ZDHHC15: variants seen among roughly 807,000 people sequenced by gnomAD.
ZDHHC15 encodes the protein zDHHC palmitoyltransferase 15, also known as palmitoyltransferase ZDHHC15.
A neutral mutation model predicts 31.7 loss-of-function variants in ZDHHC15; 19 were observed. The ratio of observed to expected loss-of-function variants is 0.60; its 90% CI spans 0.42 to 0.88. ZDHHC15 has a LOEUF of 0.88. Ranked by LOEUF, ZDHHC15 falls within the 40% of genes least tolerant of loss-of-function variation. ZDHHC15 has a pLI of 0.00. For synonymous variants in ZDHHC15, 103 were observed against 90.0 expected, an observed-to-expected ratio of 1.14 and a Z score of -0.82; for missense variants, 209 against 251.2, an observed-to-expected ratio of 0.83 and a Z score of 1.14.
chrX:75,454,431 T>A (rs372008762), intron 3 of ZDHHC15, among the ~76,000 whole-genome samples: 2 of 112,061 alleles, frequency 1.8e-5, no homozygotes, highest in East Asian at 2.8e-4. Flanking sequence ...TGATTTATAA[T>A]CCTTTGGGTA....
At chrX:75,388,340 A>C (rs1024057663) in intron 10 of ZDHHC15, among the ~76,000 whole-genome samples, 12 of 112,480 alleles carry the variant, frequency 1.1e-4, no homozygotes, top group Admixed American at 7.5e-4. Context: ...CCCAGAAGAC[A>C]AATCTATCAA....
At chrX:75,395,119 A>G (rs754402856) in intron 10 of ZDHHC15, among the ~76,000 whole-genome samples, 8 of 111,698 alleles carry the variant, frequency 7.2e-5, no homozygotes, top group African/African-American at 2.3e-4. Context: ...TTACCAGTAG[A>G]TCAATAAAGA....
chrX:75,436,272 C>T (rs765379796), intron 4 of ZDHHC15, among the ~76,000 whole-genome samples: 12 of 111,536 alleles, frequency 1.1e-4, no homozygotes, highest in African/African-American at 2.9e-4. Flanking sequence ...TTTATCTTTT[C>T]GAAGAACAAG....
chrX:75,400,725 C>G (rs1282167148), intron 10 of ZDHHC15, among the ~76,000 whole-genome samples: 2 of 111,361 alleles, frequency 1.8e-5, no homozygotes, highest in Non-Finnish European at 3.8e-5. Context: ...TTAAAGGCAG[C>G]TAGCCAGAAA....
chrX:75,490,949 T>A (rs1338429395), intron 2 of ZDHHC15, among the ~76,000 whole-genome samples: 1 of 111,688 alleles, frequency 9.0e-6, no homozygotes, highest in Non-Finnish European at 1.9e-5. Flanking sequence ...CCAGTTAGAA[T>A]GGCAATCATT....
chrX:75,401,688 C>T (rs1378763684), intron 10 of ZDHHC15, among the ~76,000 whole-genome samples: 1 of 111,837 alleles, frequency 8.9e-6, no homozygotes, highest in African/African-American at 3.2e-5. Flanking sequence ...CAAGAAGATC[C>T]TAAGTATCCT....
chrX:75,439,521 T>A (rs1057356634), intron 4 of ZDHHC15, among the ~76,000 whole-genome samples: 1 of 111,956 alleles, frequency 8.9e-6, no homozygotes, highest in Non-Finnish European at 1.9e-5. Context: ...GCTGTGGATG[T>A]TTTTTATTTA....
At chrX:75,424,601 C>T in intron 8 of ZDHHC15, 51 bp downstream of exon 8, 1 of 1,104,478 alleles carries the variant, frequency 9.1e-7, no homozygotes, top group Non-Finnish European at 1.2e-6. Flanking sequence ...TTCACAGGTC[C>T]CTCTGATACA....
At chrX:75,487,786 C>A (rs901873667) in intron 2 of ZDHHC15, among the ~76,000 whole-genome samples, 1 of 110,980 alleles carries the variant, frequency 9.0e-6, no homozygotes, top group Non-Finnish European at 1.9e-5. Context: ...AAAAACAACA[C>A]AAAATATAGA....
At chrX:75,424,432 T>A (rs1276417107) in intron 8 of ZDHHC15, among the ~76,000 whole-genome samples, 1 of 111,380 alleles carries the variant, frequency 9.0e-6, no homozygotes, top group Non-Finnish European at 1.9e-5. Flanking sequence ...TTTGTTTCTG[T>A]GTGGGGTTTC....
chrX:75,459,905 C>T (rs921591783), intron 3 of ZDHHC15, among the ~76,000 whole-genome samples: 3 of 112,028 alleles, frequency 2.7e-5, no homozygotes, highest in African/African-American at 6.5e-5. Flanking sequence ...GATGGAGTTT[C>T]ACTCTTATTG....
At chrX:75,434,893 G>A (rs1254567877) in intron 4 of ZDHHC15, among the ~76,000 whole-genome samples, 1 of 112,009 alleles carries the variant, frequency 8.9e-6, no homozygotes, top group Non-Finnish European at 1.9e-5. Context: ...GTAGTTTGAT[G>A]GGAATTGCAT....
intron 3 of ZDHHC15, among the ~76,000 whole-genome samples, chrX:75,457,160 T>A (rs1245324888): frequency 1.8e-5 from 2 of 111,741 alleles, no homozygotes; most frequent in Non-Finnish European, 3.8e-5. Flanking sequence ...GTTGGTGTGT[T>A]GCATTAGTCT....
intron 1 of ZDHHC15, among the ~76,000 whole-genome samples, chrX:75,515,710 C>T (rs1326599613): frequency 9.0e-6 from 1 of 111,510 alleles, no homozygotes; most frequent in African/African-American, 3.3e-5. Context: ...TCCTATTCAA[C>T]AACATATTGG....
intron 3 of ZDHHC15, among the ~76,000 whole-genome samples, chrX:75,466,546 T>C (rs1215898377): frequency 9.0e-6 from 1 of 111,522 alleles, no homozygotes; most frequent in Non-Finnish European, 1.9e-5. Flanking sequence ...CAATTAAACC[T>C]CTTTTCTTTA....
chrX:75,475,762 TG>T (rs1233292585), intron 3 of ZDHHC15, among the ~76,000 whole-genome samples: 1 of 111,943 alleles, frequency 8.9e-6, no homozygotes, highest in African/African-American at 3.2e-5. Context: ...AAAAGATCAT[TG>T]GGATTTTGAT....
intron 1 of ZDHHC15, among the ~76,000 whole-genome samples, chrX:75,506,836 C>T (rs752188019): frequency 1.8e-5 from 2 of 111,664 alleles, no homozygotes; most frequent in African/African-American, 6.5e-5. Context: ...TTCTTGGAGA[C>T]CAATATTAAT....
chrX:75,444,452 A>C (rs1194295410), intron 4 of ZDHHC15, among the ~76,000 whole-genome samples: 1 of 70,770 alleles, frequency 1.4e-5, no homozygotes, highest in Non-Finnish European at 2.4e-5. Context: ...GGAACATCAC[A>C]CACCAGGGCC....
At position 75,379,152 on chromosome X, in the gene ZDHHC15, CTA is replaced by C. The variant is rs2083089202; in HGVS notation, c.1012_1013del (p.Ter338AlafsTer46). 1 of 1,211,064 alleles carries C rather than the reference CTA, an allele frequency of 8.3e-7. No homozygotes were observed. The highest frequency in any genetic ancestry group is 1.1e-6 in the Non-Finnish European group (1 of 894,974). Reference sequence around the variant, plus strand: ...AGAGATGCAGGAAATGTGAAAACTGCTATGTTTCCGTTTCCACAGCAAGAGAT... The same window carrying C: ...AGAGATGCAGGAAATGTGAAAACTGCTGTTTCCGTTTCCACAGCAAGAGAT... ...SSSLAVETET[*>X] On this transcript the variant is annotated frameshift_variant and stop_lost, in exon 11 of 12. Transcript: ENST00000373367. LOFTEE classifies it high-confidence loss of function.
Sources: gnomAD v4.1 joint callset for allele counts (sites outside exome capture counted in the v4.1 genomes callset) on GRCh38, gnomAD v4.1.1 for gene constraint, MANE v1.5 for transcripts, NCBI Gene and HGNC (gene_info 2026-07-23, HGNC 2026-07-21) for gene names.